TMEM143: variants seen among roughly 807,000 people sequenced by gnomAD.
TMEM143 encodes transmembrane protein 143.
A neutral mutation model predicts 40.3 loss-of-function variants in TMEM143; 45 were observed. The observed-to-expected ratio is 1.12, with a 90% CI of 0.88 to 1.43. The LOEUF is 1.43. Ranked by LOEUF, TMEM143 falls within the 40% of genes most tolerant of loss-of-function variation. TMEM143 has a pLI of 0.00. For missense variants in TMEM143, 620 were observed against 613.4 expected (o/e 1.01, Z -0.11); for synonymous variants, 299 against 282.7 (o/e 1.06, Z -0.58).
At position 48,333,741 on chromosome 19, in the gene TMEM143, G is replaced by A. The variant is rs1041616337; in HGVS notation, c.1165+267C>T. On this transcript the variant is annotated intron_variant, in intron 7 of 7. Coordinates refer to ENST00000293261, the MANE Select transcript of TMEM143 (RefSeq NM_018273.4). The surrounding 1 kb of genome is among the most constrained non-coding windows in gnomAD (Gnocchi z 4.1). ...GCGCGCAGGATCTCTTGTAGGGAGA[G>A]TGTCAGCTCAGGTAGAGGAAAGAAT... is the stretch of plus-strand genomic sequence containing the variant. Among the ~76,000 whole-genome samples the A allele has an allele frequency of 8.5e-5, 13 of 152,178 alleles. No individual in the cohort carries two copies. The highest frequency in any genetic ancestry group is 3.1e-4 in the African/African-American group (13 of 41,448).
Position 48,363,338 on chromosome 19 carries a change from G to A in TMEM143, c.217C>T (p.Arg73Cys). The A allele has an allele frequency of 6.2e-7, 1 of 1,614,202 alleles. No individual in the cohort carries two copies. Among genetic ancestry groups the A allele is most frequent in the African/African-American group, 1.3e-5 (1 of 75,066 alleles). Reference protein sequence around the residue: ...PRDWAQQYRERFIPFSKEQLL... With the variant: ...PRDWAQQYRECFIPFSKEQLL... ...TGCTCCTTGGAGAAGGGAATGAAGC[G>A]CTCGCGGTACTGCTGGGCCCAGTCG... Residue 73 changes from arginine to cysteine, a missense_variant, in exon 2 of 8, where the codon CGC becomes TGC. Physicochemically the swap from Arg to Cys is radical, Grantham distance 180 (BLOSUM62 -3). Coordinates refer to ENST00000293261, the MANE Select transcript of TMEM143 (RefSeq NM_018273.4).
At chr19:48,334,423 TTTCTTTC>T (rs1298130139) in intron 6 of TMEM143, among the ~76,000 whole-genome samples, 2 of 31,114 alleles carry the variant, frequency 6.4e-5, no homozygotes, top group Non-Finnish European at 1.3e-4. Flanking sequence ...TCTCTCTTTC[TTTCTTTC>T]TTTCTTTCTT....
At chr19:48,341,243 C>T (rs747057024) in intron 6 of TMEM143, among the ~76,000 whole-genome samples, 6 of 152,212 alleles carry the variant, frequency 3.9e-5, no homozygotes, top group South Asian at 2.1e-4. Flanking sequence ...AGACAGGACA[C>T]GCATTTTGGC....
intron 3 of TMEM143, among the ~76,000 whole-genome samples, chr19:48,356,312 G>C (rs1185014812): frequency 6.6e-6 from 1 of 151,536 alleles, no homozygotes; most frequent in East Asian, 1.9e-4. Context: ...ACTTTTAGTA[G>C]AGACAGGGTT....
chr19:48,355,603 T>C (rs373286466), intron 3 of TMEM143, among the ~76,000 whole-genome samples: 3 of 152,152 alleles, frequency 2.0e-5, no homozygotes, highest in African/African-American at 4.8e-5. Flanking sequence ...TGATGGCCAC[T>C]GTTGCTGGGG....
intron 4 of TMEM143, among the ~76,000 whole-genome samples, chr19:48,344,084 A>C (rs961849216): frequency 6.6e-6 from 1 of 151,528 alleles, no homozygotes; most frequent in Admixed American, 6.6e-5. Context: ...ATGGGGTTTC[A>C]CCATGTTGGC....
intron 3 of TMEM143, among the ~76,000 whole-genome samples, chr19:48,358,273 A>T (rs1310883947): frequency 1.3e-5 from 2 of 151,904 alleles, no homozygotes; most frequent in East Asian, 3.9e-4. Flanking sequence ...AATCCTGGCT[A>T]TTCGGGGGAC....
intron 6 of TMEM143, among the ~76,000 whole-genome samples, chr19:48,339,147 C>T (rs989943917): frequency 6.6e-6 from 1 of 152,022 alleles, no homozygotes; most frequent in African/African-American, 2.4e-5. Context: ...AAGGGACCAA[C>T]TGGAGGCTGG....
intron 2 of TMEM143, among the ~76,000 whole-genome samples, chr19:48,362,858 TCTTA>T (rs568994277): frequency 1.2e-3 from 181 of 152,350 alleles, no homozygotes; most frequent in African/African-American, 4.1e-3. Flanking sequence ...GTGGTATCTC[TCTTA>T]CTGATGATTC....
Position 48,338,242 on chromosome 19 carries a change from G to A in TMEM143, c.976-4045C>T, listed in dbSNP as rs529532255. Among the ~76,000 whole-genome samples, 61 of 152,138 alleles carry A rather than the reference G, an allele frequency of 4.0e-4. 1 individual carries two copies. Among genetic ancestry groups the A allele is most frequent in the African/African-American group, 1.2e-3 (50 of 41,492 alleles). ...CTCTGCAGCTCCCCAGCTCATCCTT[G>A]GCTCAGACTTTATCCCCGCCTGCAT... On this transcript the variant is annotated intron_variant, in intron 6 of 7. Coordinates refer to ENST00000293261, the MANE Select transcript of TMEM143 (RefSeq NM_018273.4).
At chr19:48,341,767 C>A (rs186100622) in intron 6 of TMEM143, among the ~76,000 whole-genome samples, 6 of 152,180 alleles carry the variant, frequency 3.9e-5, no homozygotes, top group Admixed American at 2.0e-4. Context: ...AGATTCAAAT[C>A]CAGGAAGTCT....
intron 6 of TMEM143, among the ~76,000 whole-genome samples, chr19:48,336,717 C>T (rs1226291262): frequency 2.0e-5 from 3 of 151,136 alleles, no homozygotes; most frequent in South Asian, 2.1e-4. Flanking sequence ...AAAAAGCGGT[C>T]GGGCGCAGTA....
Position 48,332,967 on chromosome 19 carries a change from G to T in TMEM143, c.*252C>A. Reference sequence around the variant, plus strand: ...CACTTGGATGTTTATGGTGAGGGTGGGACTAAGAAATGGAACAGAAGCAGA... The same window carrying T: ...CACTTGGATGTTTATGGTGAGGGTGTGACTAAGAAATGGAACAGAAGCAGA... On this transcript the variant is annotated 3_prime_UTR_variant, in exon 8 of 8. Transcript: ENST00000293261. The T allele has an allele frequency of 2.9e-6, 1 of 345,296 alleles. No individual in the cohort carries two copies. The highest frequency in any genetic ancestry group is 5.2e-6 in the Non-Finnish European group (1 of 190,842). 21.4% of individuals were successfully genotyped at this position (345,296 alleles called of 1,614,324 possible).
chr19:48,341,841 C>T (rs1969493771), intron 6 of TMEM143, among the ~76,000 whole-genome samples: 1 of 152,006 alleles, frequency 6.6e-6, no homozygotes, highest in Non-Finnish European at 1.5e-5. Flanking sequence ...ACTCAGTGAG[C>T]GGCTGTCAAC....
In TMEM143 at chr19:48,333,957, G is replaced by C; in HGVS notation, c.1165+51C>G. On this transcript the variant is annotated intron_variant, in intron 7 of 7. Coordinates refer to ENST00000293261, the MANE Select transcript of TMEM143 (RefSeq NM_018273.4). The surrounding 1 kb of genome is among the most constrained non-coding windows in gnomAD (Gnocchi z 4.1). ...TGGGGACGCATCTCGCTGGGGCGGG[G>C]CCTCGCGGGGGTGTGGCCCCTGGGG... 6.8e-7 allele frequency: 1 copy of C among 1,461,650 alleles called. No individual in the cohort carries two copies. The highest frequency in any genetic ancestry group is 9.0e-7 in the Non-Finnish European group (1 of 1,106,390). The allele number at this position is 1,461,650 out of a possible 1,614,324, so 90.5% of individuals were successfully genotyped here. A position where few individuals can be genotyped will look rare whatever the true frequency, so the allele number is the denominator to read the frequency against.
Position 48,343,356 on chromosome 19 carries a change from C to G in TMEM143, c.660G>C (p.Arg220Ser). Reference sequence around the variant, plus strand: ...GGGGCAGCTTGGTGAAGAAGCCACGCCTGGAGCCCACGCTGGACTTCAGGG... The same window carrying G: ...GGGGCAGCTTGGTGAAGAAGCCACGGCTGGAGCCCACGCTGGACTTCAGGG... ...QMPLKSSVGSRRGFFTKLPPA... is the reference protein window; with the variant it reads ...QMPLKSSVGSSRGFFTKLPPA... The change falls in exon 5 of 8, where the codon AGG (arginine) becomes AGC (serine). Residue 220 changes from arginine to serine, a missense_variant. Transcript: ENST00000293261. The G allele has an allele frequency of 6.2e-7, 1 of 1,610,698 alleles. No homozygotes were observed. Among genetic ancestry groups the G allele is most frequent in the Non-Finnish European group, 8.5e-7 (1 of 1,178,998 alleles).
In TMEM143 at chr19:48,333,870, C is replaced by G. The variant is rs1291168810; in HGVS notation, c.1165+138G>C. The G allele has an allele frequency of 8.8e-6, 8 of 906,938 alleles. No homozygotes were observed. In the Admixed American group the frequency reaches 2.3e-4, roughly 27 times the overall value. 56.2% of individuals were successfully genotyped at this position (906,938 alleles called of 1,614,324 possible). On this transcript the variant is annotated intron_variant, in intron 7 of 7. Coordinates refer to ENST00000293261, the MANE Select transcript of TMEM143 (RefSeq NM_018273.4). This position sits in a 1 kb window ranked among gnomAD's most constrained non-coding sequence, Gnocchi z 4.1. Reference sequence around the variant, plus strand: ...AGATCGGAGTCTGGATTCGGAGGTCCTGTCTGCTGAGGGCCGGGGTCTCTT... The same window carrying G: ...AGATCGGAGTCTGGATTCGGAGGTCGTGTCTGCTGAGGGCCGGGGTCTCTT...
At chr19:48,355,282 C>T (rs982811522) in intron 3 of TMEM143, among the ~76,000 whole-genome samples, 3 of 152,120 alleles carry the variant, frequency 2.0e-5, no homozygotes, top group Non-Finnish European at 2.9e-5. Context: ...CCGCCTACCT[C>T]GGCCTCCCAA....
rs12609209 is a variant in TMEM143 at position 48,337,305 on chromosome 19, T to G, written c.976-3108A>C. On this transcript the variant is annotated intron_variant, in intron 6 of 7. Coordinates refer to ENST00000293261, the MANE Select transcript of TMEM143 (RefSeq NM_018273.4). Reference sequence around the variant, plus strand: ...GGCTCACGCCTGTAATCCCAGCACTTTGGGAGGCCGAGGCGGGCGGATCAC... The same window carrying G: ...GGCTCACGCCTGTAATCCCAGCACTGTGGGAGGCCGAGGCGGGCGGATCAC... Among the ~76,000 whole-genome samples the G allele has an allele frequency of 2.7e-3, 404 of 152,152 alleles. 10 individuals are homozygous for G. In the East Asian group the frequency reaches 0.054, roughly 20 times the overall value.
Sources: allele counts gnomAD v4.1 joint callset (sites outside exome capture counted in the v4.1 genomes callset), GRCh38; gene constraint gnomAD v4.1.1; non-coding constraint Gnocchi (gnomAD v3.1); transcripts MANE v1.5; gene names NCBI Gene and HGNC (gene_info 2026-07-23, HGNC 2026-07-21).